Variants in PCM1 observed in about 807,000 individuals in gnomAD.
PCM1 encodes the protein pericentriolar material 1.
In PCM1, 157 loss-of-function variants were observed where a neutral mutation model predicts 241.9. That is an observed-to-expected ratio of 0.65 (90% CI 0.57 to 0.74). The LOEUF (loss-of-function observed/expected upper bound fraction) is 0.74, where lower values mean the gene tolerates loss of function less well. Among genes scored for constraint, PCM1 ranks in the 30% least tolerant of loss-of-function variants. The probability of loss-of-function intolerance (pLI) is 0.00; values close to 1 mark genes in which losing one functional copy is unlikely to be tolerated. For synonymous variants in PCM1, 1,085 were observed against 784.9 expected (o/e 1.38, Z -6.39); for missense variants, 3,478 against 2,360.1 (o/e 1.47, Z -9.81).
Position 17,969,719 on chromosome 8 carries a change from C to T in PCM1, c.3555C>T (p.Ser1185=). 9 of 1,606,982 alleles carry T rather than the reference C, an allele frequency of 5.6e-6. No individual in the cohort carries two copies. The highest frequency in any genetic ancestry group is 7.6e-6 in the Non-Finnish European group (9 of 1,177,692). The change falls in exon 22 of 39, where the codon AGC becomes AGT. Residue 1185 remains serine, a synonymous_variant. Transcript: ENST00000325083. ...TGGCTTTTCCAAAACCTTTTGAAAG[C>T]AGTTCCTCTATTGGAGCAGAGAAAC... ...EYMAFPKPFE[S]SSSIGAEKPR... is the part of the protein sequence containing the mutation.
intron 7 of PCM1, among the ~76,000 whole-genome samples, chr8:17,949,908 T>C (rs2065352377): frequency 6.6e-6 from 1 of 152,204 alleles, no homozygotes; most frequent in Admixed American, 6.5e-5. Context: ...GCTTTATGAA[T>C]ATGGGGGCAT....
rs975870722 is a variant in PCM1 at position 17,956,697 on chromosome 8, T to C, written c.1566T>C (p.Asn522=). ...QTSDMMTDAV[N]ENRKDEETEE... is the part of the protein sequence containing the mutation. Reference sequence around the variant, plus strand: ...CAGACATGATGACAGATGCTGTGAATGAAAACAGGAAAGATGAAGAAACTG... The same window carrying C: ...CAGACATGATGACAGATGCTGTGAACGAAAACAGGAAAGATGAAGAAACTG... Residue 522 remains asparagine (N), a synonymous_variant, in exon 11 of 39, where the codon AAT becomes AAC. Coordinates refer to ENST00000325083, the MANE Select transcript of PCM1 (RefSeq NM_006197.4). The C allele has an allele frequency of 3.7e-6, 6 of 1,605,630 alleles. No individual in the cohort carries two copies. Among genetic ancestry groups the C allele is most frequent in the Non-Finnish European group, 4.3e-6 (5 of 1,174,358 alleles).
chr8:18,016,113 C>G (rs537716955), intron 36 of PCM1, among the ~76,000 whole-genome samples: 39 of 152,260 alleles, frequency 2.6e-4, no homozygotes, highest in Non-Finnish European at 4.7e-4. Flanking sequence ...TGATCTCGAT[C>G]TCCTGACATT....
At chr8:17,951,707 T>C (rs968549114) in intron 8 of PCM1, among the ~76,000 whole-genome samples, 12 of 152,182 alleles carry the variant, frequency 7.9e-5, no homozygotes, top group African/African-American at 2.9e-4. Flanking sequence ...ATGTAGAGAA[T>C]GGTAGATGCC....
intron 36 of PCM1, among the ~76,000 whole-genome samples, chr8:18,015,061 A>G (rs1186261446): frequency 2.0e-5 from 3 of 152,220 alleles, no homozygotes; most frequent in African/African-American, 7.2e-5. Flanking sequence ...TGAGAACCAA[A>G]GGGATAAAAA....
chr8:18,000,990 A>G (rs1420650764), intron 29 of PCM1, among the ~76,000 whole-genome samples: 1 of 152,220 alleles, frequency 6.6e-6, no homozygotes, highest in East Asian at 1.9e-4. Flanking sequence ...TTACTCAGCT[A>G]ATTCCAGGCA....
Position 17,980,741 on chromosome 8 carries a change from C to T in PCM1, c.4094C>T (p.Thr1365Ile). The T allele has an allele frequency of 1.2e-6, 2 of 1,607,840 alleles. No individual in the cohort carries two copies. The highest frequency in any genetic ancestry group is 1.1e-5 in the South Asian group (1 of 90,834). ...AAAATAATAAAATGTAATAGGTCTA[C>T]AGAAATATCTTCAGGTATGTTCTTT... ...LEKIIKCNRS[T>I]EISSETGSDF... is the part of the protein sequence containing the mutation. Residue 1365 changes from threonine to isoleucine, a missense_variant, in exon 24 of 39, where the codon ACA (threonine) becomes ATA (isoleucine). Thr to Ile is a moderately conservative substitution (Grantham distance 89). Coordinates refer to ENST00000325083, the MANE Select transcript of PCM1 (RefSeq NM_006197.4).
At chr8:18,007,857 C>T (rs1465956884) in intron 30 of PCM1, among the ~76,000 whole-genome samples, 1 of 152,160 alleles carries the variant, frequency 6.6e-6, no homozygotes, top group South Asian at 2.1e-4. Flanking sequence ...GGGAGAGGAG[C>T]AGGCATTGAA....
intron 23 of PCM1, among the ~76,000 whole-genome samples, chr8:17,976,380 T>C (rs2078779007): frequency 6.6e-6 from 1 of 152,206 alleles, no homozygotes; most frequent in Non-Finnish European, 1.5e-5. Flanking sequence ...TAAGCCTGTT[T>C]AGTCTGCAAA....
chr8:18,025,891 G>A (rs7828234), intron 38 of PCM1, among the ~76,000 whole-genome samples: 68,602 of 151,812 alleles, frequency 0.45, 17,376 homozygotes, highest in Non-Finnish European at 0.59. Context: ...CTGGCTGGGC[G>A]CGGTGGCTCA....
chr8:17,932,485 T>C (rs2059329886), intron 2 of PCM1, among the ~76,000 whole-genome samples: 1 of 152,170 alleles, frequency 6.6e-6, no homozygotes, highest in South Asian at 2.1e-4. Flanking sequence ...TAATAGTTTC[T>C]TATTTTAATT....
At chr8:18,001,819 A>G (rs1348777496) in intron 29 of PCM1, among the ~76,000 whole-genome samples, 1 of 151,922 alleles carries the variant, frequency 6.6e-6, no homozygotes, top group African/African-American at 2.4e-5. Flanking sequence ...GAGATCTTTG[A>G]GAAAGCACCT....
At chr8:17,931,668 A>T (rs1047736359) in intron 2 of PCM1, among the ~76,000 whole-genome samples, 1 of 152,172 alleles carries the variant, frequency 6.6e-6, no homozygotes, top group Non-Finnish European at 1.5e-5. Flanking sequence ...TAAATATCTT[A>T]ATTTTCCCTT....
In PCM1 at chr8:17,938,466, G is replaced by A. The variant is rs1364062847; in HGVS notation, c.343-274G>A. On this transcript the variant is annotated intron_variant, in intron 4 of 38. Coordinates refer to ENST00000325083, the MANE Select transcript of PCM1 (RefSeq NM_006197.4). ...TTCTTGTCTGAAATATTTTGGATAAGGGGTACTCAAGCTGTACTTCATTTA... is the reference window on the plus strand; with the variant it reads ...TTCTTGTCTGAAATATTTTGGATAAAGGGTACTCAAGCTGTACTTCATTTA... Among the ~76,000 whole-genome samples, 5 of 152,098 alleles carry A rather than the reference G, an allele frequency of 3.3e-5. No homozygotes were observed. The South Asian group carries it at 8.3e-4, about 25-fold the overall frequency.
chr8:18,011,939 T>C (rs2092575114), intron 34 of PCM1, 112 bp downstream of exon 34: 1 of 955,496 alleles, frequency 1.0e-6, no homozygotes, highest in Non-Finnish European at 1.6e-6. Flanking sequence ...TCAGGTTTCA[T>C]GAATGCAAGC....
intron 6 of PCM1, among the ~76,000 whole-genome samples, chr8:17,946,897 C>T (rs922830284): frequency 2.0e-5 from 3 of 148,140 alleles, no homozygotes; most frequent in Non-Finnish European, 4.5e-5. Flanking sequence ...CCCTCTTGGC[C>T]TTTTATGTTT....
At position 17,939,835 on chromosome 8, in the gene PCM1, T is replaced by C. The variant is rs1181580507; in HGVS notation, c.757T>C (p.Tyr253His). The C allele has an allele frequency of 6.6e-6, 10 of 1,508,062 alleles. No homozygotes were observed. Among genetic ancestry groups the C allele is most frequent in the Non-Finnish European group, 8.9e-6 (10 of 1,117,542 alleles). The allele number at this position is 1,508,062 out of a possible 1,614,324, so 93.4% of individuals were successfully genotyped here. The change falls in exon 6 of 39, where the codon TAT becomes CAT. Residue 253 changes from tyrosine (Y) to histidine (H), a missense_variant. Transcript: ENST00000325083. ...IDHLKEQEKS[Y>H]MKFLKKILAR... ...TCACCTTAAAGAACAAGAGAAGTCA[T>C]ATATGAAATTTCTTAAAAAAATCCT...
At chr8:17,966,249 T>C (rs369135137) in intron 19 of PCM1, 31 bp downstream of exon 19, 3 of 1,608,618 alleles carry the variant, frequency 1.9e-6, no homozygotes, top group African/African-American at 1.3e-5. Context: ...ATATTTTTCG[T>C]CTATTTTTAT....
chr8:17,960,532 TC>T (rs146615913), intron 15 of PCM1, 88 bp downstream of exon 15: 2 of 872,560 alleles, frequency 2.3e-6, no homozygotes, highest in South Asian at 3.5e-5. Context: ...TTTTTGTTTT[TC>T]TTTTTTTTTG....
Sources: gnomAD v4.1 joint callset for allele counts (sites outside exome capture counted in the v4.1 genomes callset) on GRCh38, gnomAD v4.1.1 for gene constraint, MANE v1.5 for transcripts, NCBI Gene and HGNC (gene_info 2026-07-23, HGNC 2026-07-21) for gene names.